Variants in ADARB2 observed in about 807,000 individuals in gnomAD.
ADARB2 encodes the protein adenosine deaminase RNA specific B2 (inactive).
A neutral mutation model predicts 62.2 loss-of-function variants in ADARB2; 25 were observed. The observed-to-expected ratio is 0.40, with a 90% CI of 0.29 to 0.56. The LOEUF (loss-of-function observed/expected upper bound fraction) is 0.56. Among genes scored for constraint, ADARB2 ranks in the 20% least tolerant of loss-of-function variants. ADARB2 has a pLI of 0.43. For missense variants in ADARB2, 1,071 were observed against 1,077.4 expected, an observed-to-expected ratio of 0.99 and a Z score of 0.08; for synonymous variants, 572 against 500.8, an observed-to-expected ratio of 1.14 and a Z score of -1.90.
At chr10:1,684,357 A>C (rs540982982) in intron 1 of ADARB2, among the ~76,000 whole-genome samples, 1 of 152,350 alleles carries the variant, frequency 6.6e-6, no homozygotes, top group Non-Finnish European at 1.5e-5. Context: ...AACTCAGAGA[A>C]ACATAGAATG....
intron 3 of ADARB2, among the ~76,000 whole-genome samples, chr10:1,330,361 GCTCA>G (rs1364818851): frequency 1.3e-5 from 2 of 152,162 alleles, no homozygotes; most frequent in African/African-American, 4.8e-5. Flanking sequence ...ACATTTGCAT[GCTCA>G]CTCATTTATA....
chr10:1,234,107 G>A (rs899202383), intron 5 of ADARB2, among the ~76,000 whole-genome samples: 1 of 151,432 alleles, frequency 6.6e-6, no homozygotes, highest in African/African-American at 2.4e-5. Flanking sequence ...GTGATACTCA[G>A]CCTCCCGAGT....
chr10:1,724,418 C>G (rs1463845389), intron 1 of ADARB2, among the ~76,000 whole-genome samples: 1 of 152,208 alleles, frequency 6.6e-6, no homozygotes, highest in Non-Finnish European at 1.5e-5. Context: ...GGGCACATAG[C>G]CTGCCTGGTT....
In ADARB2 at chr10:1,488,221, C is replaced by CAAAA. The variant is rs573554204; in HGVS notation, c.101-109062_101-109061insTTTT. On this transcript the variant is annotated intron_variant, in intron 1 of 9. Coordinates refer to ENST00000381312, the MANE Select transcript of ADARB2 (RefSeq NM_018702.4). ...GATACAGACATTATCTCAGATTTGGCAAAGAAAAAAAAAAAGGATGTACAA... is the reference window on the plus strand; with the variant it reads ...GATACAGACATTATCTCAGATTTGGCAAAAAAAGAAAAAAAAAAAGGATGTACAA... 6.1e-4 allele frequency among the ~76,000 whole-genome samples: 79 copies of CAAAA among 130,390 alleles called. 1 individual carries two copies. The highest frequency in any genetic ancestry group is 1.3e-3 in the African/African-American group (48 of 37,504). 85.5% of individuals were successfully genotyped at this position (130,390 alleles called of 152,430 possible). A position where few individuals can be genotyped will look rare whatever the true frequency, so the allele number is the denominator to read the frequency against.
intron 7 of ADARB2, among the ~76,000 whole-genome samples, chr10:1,203,989 C>T (rs1010560843): frequency 3.3e-5 from 5 of 152,126 alleles, no homozygotes; most frequent in African/African-American, 4.8e-5. Flanking sequence ...CTGCTCAGTT[C>T]GAGAACCACC....
intron 6 of ADARB2, among the ~76,000 whole-genome samples, chr10:1,222,409 CTTTAGTTTAATTAGATCCCATT>C (rs1190448122): frequency 6.6e-6 from 1 of 151,958 alleles, no homozygotes; most frequent in Non-Finnish European, 1.5e-5. Context: ...TGCAGAAGCT[CTTTAGTTTAATTAGATCCCATT>C]TGTCAATCTT....
chr10:1,190,378 C>T (rs951680509), intron 8 of ADARB2, among the ~76,000 whole-genome samples: 1 of 150,748 alleles, frequency 6.6e-6, no homozygotes, highest in African/African-American at 2.5e-5. Context: ...TGATGCACCT[C>T]CTGCCTTCGG....
Position 1,645,138 on chromosome 10 carries a change from T to G in ADARB2, c.100+91913A>C, listed in dbSNP as rs1180978274. 2.0e-5 allele frequency among the ~76,000 whole-genome samples: 3 copies of G among 152,360 alleles called. No individual in the cohort carries two copies. In the East Asian group the frequency reaches 5.8e-4, roughly 29 times the overall value. Reference sequence around the variant, plus strand: ...TTCTGGCAGGGGATCTGGCCCCCTTTGCAGGCGATGTGGGATGACACAGGG... The same window carrying G: ...TTCTGGCAGGGGATCTGGCCCCCTTGGCAGGCGATGTGGGATGACACAGGG... On this transcript the variant is annotated intron_variant, in intron 1 of 9. Transcript: ENST00000381312.
intron 1 of ADARB2, among the ~76,000 whole-genome samples, chr10:1,651,760 G>C (rs911607718): frequency 2.1e-5 from 3 of 144,122 alleles, no homozygotes; most frequent in African/African-American, 7.8e-5. Context: ...GGGGAGCGGG[G>C]GCTGCCTGCT....
chr10:1,319,106 G>C (rs17156190), intron 3 of ADARB2, among the ~76,000 whole-genome samples: 6,176 of 152,294 alleles, frequency 0.041, 143 homozygotes, highest in South Asian at 0.082. Flanking sequence ...AAAACAGAGT[G>C]AAGAATAAGG....
At chr10:1,372,644 G>T (rs906230221) in intron 2 of ADARB2, among the ~76,000 whole-genome samples, 2 of 152,138 alleles carry the variant, frequency 1.3e-5, no homozygotes, top group Non-Finnish European at 2.9e-5. Flanking sequence ...GAGGTTTGAA[G>T]GGCCTGCATT....
intron 8 of ADARB2, among the ~76,000 whole-genome samples, chr10:1,186,862 C>T (rs7894373): frequency 0.56 from 85,148 of 152,068 alleles, 25,700 homozygotes; most frequent in Middle Eastern, 0.76. Context: ...AGCAGACTCC[C>T]GGGAGGAAGC....
chr10:1,595,226 A>G (rs949783499), intron 1 of ADARB2, among the ~76,000 whole-genome samples: 16 of 152,224 alleles, frequency 1.1e-4, no homozygotes, highest in African/African-American at 3.9e-4. Context: ...AAAAGATAAA[A>G]ACTTTGCCCT....
chr10:1,668,728 G>T (rs929293095), intron 1 of ADARB2, among the ~76,000 whole-genome samples: 4 of 152,218 alleles, frequency 2.6e-5, no homozygotes, highest in African/African-American at 4.8e-5. Context: ...ATAAGCCCTG[G>T]TCCCCAAGGA....
intron 3 of ADARB2, among the ~76,000 whole-genome samples, chr10:1,315,967 T>C (rs1490767408): frequency 6.6e-6 from 1 of 152,244 alleles, no homozygotes; most frequent in Admixed American, 6.5e-5. Flanking sequence ...AAGTCAAATA[T>C]GGAGCATTAA....
intron 1 of ADARB2, among the ~76,000 whole-genome samples, chr10:1,573,587 G>A (rs952391899): frequency 2.6e-5 from 4 of 152,138 alleles, no homozygotes; most frequent in Admixed American, 6.5e-5. Context: ...TGGCCACGGC[G>A]GCCTCCCCCT....
chr10:1,686,832 C>T (rs7896371), intron 1 of ADARB2, among the ~76,000 whole-genome samples: 62,806 of 152,008 alleles, frequency 0.41, 13,133 homozygotes, highest in Non-Finnish European at 0.45. Flanking sequence ...ATTTCTCTAG[C>T]AAATGATCAT....
At position 1,460,882 on chromosome 10, in the gene ADARB2, G is replaced by C. The variant is rs552398417; in HGVS notation, c.101-81722C>G. Among the ~76,000 whole-genome samples, 257 of 100,448 alleles carry C rather than the reference G, an allele frequency of 2.6e-3. 22 individuals carry two copies. The highest frequency in any genetic ancestry group is 9.9e-3 in the African/African-American group (237 of 23,872). The allele number at this position is 100,448 out of a possible 152,430, so 65.9% of individuals were successfully genotyped here. A position where few individuals can be genotyped will look rare whatever the true frequency, so the allele number is the denominator to read the frequency against. ...TGTGTAACGAACCTGCCTGTGACCT[G>C]AGTTTACCTGCGTTACGAACCTGCC... On this transcript the variant is annotated intron_variant, in intron 1 of 9. Coordinates refer to ENST00000381312, the MANE Select transcript of ADARB2 (RefSeq NM_018702.4).
chr10:1,436,623 A>G (rs958280998), intron 1 of ADARB2, among the ~76,000 whole-genome samples: 6 of 152,236 alleles, frequency 3.9e-5, no homozygotes, highest in Non-Finnish European at 8.8e-5. Context: ...CTTTTAGGAA[A>G]GAGAACATTA....
Sources: allele counts gnomAD v4.1 joint callset (sites outside exome capture counted in the v4.1 genomes callset), GRCh38; gene constraint gnomAD v4.1.1; transcripts MANE v1.5; gene names NCBI Gene and HGNC (gene_info 2026-07-23, HGNC 2026-07-21).